The following TRPC6 variants were observed in gnomAD, a reference collection of about 807,000 sequenced individuals.
The protein encoded by TRPC6 is transient receptor potential cation channel subfamily C member 6, also known as short transient receptor potential channel 6.
TRPC6 carries 55 observed loss-of-function variants against 90.7 expected under a neutral mutation model. That is an observed-to-expected ratio of 0.61 (90% CI 0.49 to 0.76). TRPC6 has a LOEUF of 0.76. Among genes scored for constraint, TRPC6 ranks in the 30% least tolerant of loss-of-function variants. The pLI, the probability that TRPC6 is intolerant of heterozygous loss-of-function variation, is 0.00. For missense variants in TRPC6, 989 were observed against 1,122.7 expected (o/e 0.88, Z 1.70); for synonymous variants, 393 against 393.0 (o/e 1.00, Z 0.00).
intron 8 of TRPC6, 127 bp downstream of exon 8, chr11:101,472,010 G>T: frequency 2.1e-6 from 2 of 957,142 alleles, no homozygotes; most frequent in Non-Finnish European, 3.2e-6. Flanking sequence ...CTGGTCAAAC[G>T]AGTGTATAAA....
At chr11:101,550,266 T>A (rs67968022) in intron 1 of TRPC6, among the ~76,000 whole-genome samples, 36,770 of 151,386 alleles carry the variant, frequency 0.24, 4,778 homozygotes, top group East Asian at 0.4. Context: ...CCTTTTATCA[T>A]AATTATTATG....
intron 4 of TRPC6, among the ~76,000 whole-genome samples, chr11:101,486,948 A>C (rs915476322): frequency 1.3e-5 from 2 of 152,280 alleles, no homozygotes; most frequent in African/African-American, 4.8e-5. Context: ...GGAGAAAAAA[A>C]ATACCTTGAC....
chr11:101,577,221 A>G (rs895547474), intron 1 of TRPC6, among the ~76,000 whole-genome samples: 4 of 152,226 alleles, frequency 2.6e-5, no homozygotes, highest in Admixed American at 1.3e-4. Context: ...ACTAGATTAT[A>G]GGATTCTTTC....
Position 101,521,067 on chromosome 11 carries a change from G to A in TRPC6, c.171-16269C>T, listed in dbSNP as rs1346137774. On this transcript the variant is annotated intron_variant, in intron 1 of 12. Transcript: ENST00000344327. ...TTTTTCAGGAGAGGAATTAAAGCTG[G>A]CTGCAGAAATTTGCATAAGTAAAGA... Among the ~76,000 whole-genome samples, 4 of 152,198 alleles carry A rather than the reference G, an allele frequency of 2.6e-5. No individual in the cohort carries two copies. In the East Asian group the frequency reaches 7.7e-4, roughly 29 times the overall value.
At chr11:101,528,579 A>AT (rs1370085077) in intron 1 of TRPC6, among the ~76,000 whole-genome samples, 1 of 152,238 alleles carries the variant, frequency 6.6e-6, no homozygotes, top group African/African-American at 2.4e-5. Context: ...CACTCAATAA[A>AT]TGTGTATATT....
At chr11:101,567,226 C>T (rs1305719176) in intron 1 of TRPC6, among the ~76,000 whole-genome samples, 1 of 152,108 alleles carries the variant, frequency 6.6e-6, no homozygotes. Context: ...GCGGTTTTAT[C>T]CTCACAGTAT....
At chr11:101,481,367 A>T (rs1022075459) in intron 5 of TRPC6, among the ~76,000 whole-genome samples, 1 of 152,214 alleles carries the variant, frequency 6.6e-6, no homozygotes, top group Non-Finnish European at 1.5e-5. Context: ...TCAGGGCCTT[A>T]AGTACCATCT....
intron 1 of TRPC6, among the ~76,000 whole-genome samples, chr11:101,523,024 A>T (rs1860696119): frequency 6.6e-6 from 1 of 152,242 alleles, no homozygotes; most frequent in South Asian, 2.1e-4. Context: ...ATGCCTATAC[A>T]TTTGACAGCT....
chr11:101,502,350 T>A (rs918717158), intron 2 of TRPC6, among the ~76,000 whole-genome samples: 1 of 152,190 alleles, frequency 6.6e-6, no homozygotes. Context: ...ATAAACCAAT[T>A]GAGGACAGGA....
intron 1 of TRPC6, among the ~76,000 whole-genome samples, chr11:101,505,735 C>T (rs1860246945): frequency 6.6e-6 from 1 of 152,128 alleles, no homozygotes; most frequent in Admixed American, 6.6e-5. Context: ...GGAAAGTGAG[C>T]CGGGTGCTAT....
At chr11:101,463,544 T>C (rs1859058876) in intron 10 of TRPC6, among the ~76,000 whole-genome samples, 1 of 152,220 alleles carries the variant, frequency 6.6e-6, no homozygotes, top group Non-Finnish European at 1.5e-5. Context: ...TGAGAGGGTG[T>C]ATGTGTCCAG....
chr11:101,466,375 GCTA>G (rs1165119332), intron 10 of TRPC6, among the ~76,000 whole-genome samples: 1 of 152,224 alleles, frequency 6.6e-6, no homozygotes, highest in African/African-American at 2.4e-5. Context: ...CCTGACTGGG[GCTA>G]CTGCCTTTCT....
At chr11:101,454,884 A>G in intron 11 of TRPC6, 134 bp downstream of exon 11, 2 of 651,330 alleles carry the variant, frequency 3.1e-6, no homozygotes, top group Non-Finnish European at 5.2e-6. Flanking sequence ...GTACATGGTA[A>G]TTAATAAATA....
intron 2 of TRPC6, among the ~76,000 whole-genome samples, chr11:101,493,893 T>G (rs1330758476): frequency 6.6e-6 from 1 of 152,222 alleles, no homozygotes; most frequent in Non-Finnish European, 1.5e-5. Context: ...GGCTCCTTTC[T>G]GTAAATTATG....
At chr11:101,544,090 A>G (rs916195577) in intron 1 of TRPC6, among the ~76,000 whole-genome samples, 3 of 152,228 alleles carry the variant, frequency 2.0e-5, no homozygotes, top group Non-Finnish European at 4.4e-5. Context: ...GACACTTCTC[A>G]AAAGAAGACA....
intron 10 of TRPC6, among the ~76,000 whole-genome samples, chr11:101,457,683 A>C (rs1858916348): frequency 6.6e-6 from 1 of 152,194 alleles, no homozygotes; most frequent in South Asian, 2.1e-4. Context: ...AGGCTCTGTC[A>C]CTTGTTTGAA....
chr11:101,459,011 C>A (rs1858945109), intron 10 of TRPC6, among the ~76,000 whole-genome samples: 1 of 152,098 alleles, frequency 6.6e-6, no homozygotes, highest in Non-Finnish European at 1.5e-5. Context: ...TAGCAATGGG[C>A]AAAAATTATT....
At chr11:101,529,251 A>G (rs1860852961) in intron 1 of TRPC6, among the ~76,000 whole-genome samples, 1 of 152,178 alleles carries the variant, frequency 6.6e-6, no homozygotes, top group African/African-American at 2.4e-5. Flanking sequence ...TGGGAGTAGG[A>G]TAATGCATAT....
chr11:101,579,371 C>T (rs565089783), intron 1 of TRPC6, among the ~76,000 whole-genome samples: 16 of 152,022 alleles, frequency 1.1e-4, no homozygotes, highest in African/African-American at 3.4e-4. Context: ...GTTGTATTAT[C>T]TCAACTTTTT....
Sources: allele counts gnomAD v4.1 joint callset (sites outside exome capture counted in the v4.1 genomes callset), GRCh38; gene constraint gnomAD v4.1.1; transcripts MANE v1.5; gene names NCBI Gene and HGNC (gene_info 2026-07-23, HGNC 2026-07-21).